Variants in ABHD5 observed in about 807,000 individuals in gnomAD.
ABHD5 encodes the protein abhydrolase domain containing 5, lysophosphatidic acid acyltransferase.
In ABHD5, 30 loss-of-function variants were observed where a neutral mutation model predicts 44.9. The ratio of observed to expected loss-of-function variants is 0.67; its 90% CI spans 0.50 to 0.91. The LOEUF is 0.91. Ranked by LOEUF, ABHD5 falls within the 40% of genes least tolerant of loss-of-function variation. The pLI, the probability that ABHD5 is intolerant of heterozygous loss-of-function variation, is 0.00. For missense variants in ABHD5, 399 were observed against 423.4 expected (o/e 0.94, Z 0.50); for synonymous variants, 167 against 147.0 (o/e 1.14, Z -0.99).
In ABHD5 at chr3:43,719,442, A is replaced by G. The variant is rs1417413823; in HGVS notation, c.*910A>G. 6.6e-6 allele frequency: 1 copy of G among 152,184 alleles called. No homozygotes were observed. The highest frequency in any genetic ancestry group is 1.5e-5 in the Non-Finnish European group (1 of 68,022). 9.4% of individuals were successfully genotyped at this position (152,184 alleles called of 1,614,324 possible). ...CAAGTAATACCATATTTTTATTAAC[A>G]TCTAACTTTTGTAGATGGGTGCTAA... is the stretch of plus-strand genomic sequence containing the variant. On this transcript the variant is annotated 3_prime_UTR_variant, in exon 7 of 7. Coordinates refer to ENST00000644371, the MANE Select transcript of ABHD5 (RefSeq NM_016006.6).
Position 43,718,795 on chromosome 3 carries a change from C to G in ABHD5, c.*263C>G. The G allele has an allele frequency of 2.7e-6, 1 of 376,390 alleles. No homozygotes were observed. Among genetic ancestry groups the G allele is most frequent in the African/African-American group, 2.0e-5 (1 of 48,798 alleles). The allele number at this position is 376,390 out of a possible 1,614,324, so 23.3% of individuals were successfully genotyped here. Reference sequence around the variant, plus strand: ...CCTTTAAATAAAAGGTTATTTGTCCCTCTGATGTACTGAAAAACTGTAATT... The same window carrying G: ...CCTTTAAATAAAAGGTTATTTGTCCGTCTGATGTACTGAAAAACTGTAATT... On this transcript the variant is annotated 3_prime_UTR_variant, in exon 7 of 7. Coordinates refer to ENST00000644371, the MANE Select transcript of ABHD5 (RefSeq NM_016006.6).
At chr3:43,731,572 C>T (rs2084912848) in intron 7 of ABHD5, among the ~76,000 whole-genome samples, 1 of 152,154 alleles carries the variant, frequency 6.6e-6, no homozygotes, top group Non-Finnish European at 1.5e-5. Flanking sequence ...TGGCTCACAC[C>T]TGTAATCCCA....
intron 1 of ABHD5, among the ~76,000 whole-genome samples, chr3:43,695,977 A>G (rs1266300827): frequency 6.6e-6 from 1 of 152,210 alleles, no homozygotes; most frequent in African/African-American, 2.4e-5. Flanking sequence ...GTAAAACAAG[A>G]ATCCTTTCTT....
chr3:43,716,616 G>A (rs147673313), intron 5 of ABHD5, among the ~76,000 whole-genome samples: 6 of 152,280 alleles, frequency 3.9e-5, no homozygotes, highest in African/African-American at 1.4e-4. Flanking sequence ...GGAGGCTAGA[G>A]GTTCAAGGTC....
intron 3 of ABHD5, among the ~76,000 whole-genome samples, chr3:43,703,266 G>A (rs2084568253): frequency 6.6e-6 from 1 of 150,526 alleles, no homozygotes; most frequent in African/African-American, 2.5e-5. Flanking sequence ...TGCAGCCTCC[G>A]CCTCCCAGGC....
intron 3 of ABHD5, among the ~76,000 whole-genome samples, chr3:43,710,634 C>T (rs2084677588): frequency 6.6e-6 from 1 of 152,232 alleles, no homozygotes; most frequent in Admixed American, 6.5e-5. Context: ...TATTCTTATG[C>T]ATGCTGACAA....
intron 1 of ABHD5, among the ~76,000 whole-genome samples, chr3:43,691,834 G>A (rs531978894): frequency 6.6e-6 from 1 of 152,166 alleles, no homozygotes; most frequent in Admixed American, 6.5e-5. Context: ...GATTATTCTG[G>A]CTTTACTGGC....
chr3:43,702,739 A>G lies in ABHD5; in HGVS notation c.506+152A>G, dbSNP rs185835481. The G allele has an allele frequency of 4.3e-3, 4,471 of 1,037,524 alleles. 16 individuals are homozygous for G. Among genetic ancestry groups the G allele is most frequent in the Non-Finnish European group, 5.6e-3 (3,729 of 670,218 alleles). 64.3% of individuals were successfully genotyped at this position (1,037,524 alleles called of 1,614,324 possible). The stretch of plus-strand genomic sequence containing the variant: ...CCACACCACAACTGATGACCAATAT[A>G]GTAGCTGAAATAATCATGTCAGATC... On this transcript the variant is annotated intron_variant, in intron 3 of 6. Coordinates refer to ENST00000644371, the MANE Select transcript of ABHD5 (RefSeq NM_016006.6).
At chr3:43,691,245 G>A (rs563088361) in intron 1 of ABHD5, 2 of 431,086 alleles carry the variant, frequency 4.6e-6, no homozygotes, top group Admixed American at 4.5e-5. Context: ...CTCAGCGTCG[G>A]GGCCCCGAGG....
chr3:43,695,661 A>G (rs2084464703), intron 1 of ABHD5, among the ~76,000 whole-genome samples: 1 of 152,228 alleles, frequency 6.6e-6, no homozygotes, highest in South Asian at 2.1e-4. Context: ...AATACTGTAG[A>G]TAGACAGATG....
chr3:43,724,989 A>G (rs986926750), downstream of ABHD5, among the ~76,000 whole-genome samples: 2 of 152,218 alleles, frequency 1.3e-5, no homozygotes, highest in African/African-American at 4.8e-5. Flanking sequence ...TAGGTAAGAA[A>G]ATAACTAAAA....
intron 3 of ABHD5, among the ~76,000 whole-genome samples, chr3:43,706,851 G>C (rs1221822095): frequency 2.0e-5 from 3 of 152,022 alleles, no homozygotes; most frequent in African/African-American, 4.8e-5. Flanking sequence ...TTTATGCATG[G>C]AGGGAAAAAA....
chr3:43,695,913 T>TCC (rs2084468674), intron 1 of ABHD5, among the ~76,000 whole-genome samples: 1 of 152,260 alleles, frequency 6.6e-6, no homozygotes, highest in African/African-American at 2.4e-5. Context: ...TTATAACTTT[T>TCC]CTTACTCAAA....
chr3:43,704,033 C>CTTTTTTTTTTT (rs10544525), intron 3 of ABHD5, among the ~76,000 whole-genome samples: 14 of 84,858 alleles, frequency 1.6e-4, no homozygotes, highest in African/African-American at 3.9e-4. Context: ...TCTTTATTTT[C>CTTTTTTTTTTT]TTTTTTTTTT....
At chr3:43,730,812 A>ATTTGTTTGTTTTTTTG (rs1209581585) in intron 7 of ABHD5, among the ~76,000 whole-genome samples, 3 of 146,610 alleles carry the variant, frequency 2.0e-5, no homozygotes, top group Non-Finnish European at 4.5e-5. Flanking sequence ...GGCCTAATCC[A>ATTTGTTTGTTTTTTTG]TTTGTTTGTT....
At chr3:43,725,848 G>GT (rs34068036), downstream of ABHD5, among the ~76,000 whole-genome samples, 10,544 of 146,660 alleles carry the variant, frequency 0.072, 1,073 homozygotes, top group African/African-American at 0.23. Context: ...CTGTTTCCTA[G>GT]TTTTTTTTTT....
rs931354098 is a variant in ABHD5, at chr3:43,719,425, A to G, written c.*893A>G. 6.6e-6 allele frequency: 1 copy of G among 152,216 alleles called. No individual in the cohort carries two copies. Among genetic ancestry groups the G allele is most frequent in the Non-Finnish European group, 1.5e-5 (1 of 68,028 alleles). The allele number at this position is 152,216 out of a possible 1,614,324, so 9.4% of individuals were successfully genotyped here. On this transcript the variant is annotated 3_prime_UTR_variant, in exon 7 of 7. Coordinates refer to ENST00000644371, the MANE Select transcript of ABHD5 (RefSeq NM_016006.6). ...GTTACTTCCTAGTAAGCCAAGTAAT[A>G]CCATATTTTTATTAACATCTAACTT...
In ABHD5 at chr3:43,690,984, G is replaced by A. The variant is rs1317697263; in HGVS notation, c.-9G>A. ...CGAGATAAGTCCCGGCGCTTGCGCG[G>A]CGGCGGCTATGGCGGCGGAGGAGGA... is the stretch of plus-strand genomic sequence containing the variant. On this transcript the variant is annotated 5_prime_UTR_variant, in exon 1 of 7. Transcript: ENST00000644371. 3 of 1,572,990 alleles carry A rather than the reference G, an allele frequency of 1.9e-6. No homozygotes were observed.
rs145935934 is a variant in ABHD5, at chr3:43,713,287, T to C, written c.661+1424T>C. Among the ~76,000 whole-genome samples the C allele has an allele frequency of 2.3e-3, 334 of 145,252 alleles. 2 individuals carry two copies. The highest frequency in any genetic ancestry group is 1.9e-3 in the Non-Finnish European group (129 of 66,830). On this transcript the variant is annotated intron_variant, in intron 4 of 6. Coordinates refer to ENST00000644371, the MANE Select transcript of ABHD5 (RefSeq NM_016006.6). Reference sequence around the variant, plus strand: ...GTGGCGAGCCAAGATCGCACCACTATTCTCCAGCCTGGGCAACAGTGCAAG... The same window carrying C: ...GTGGCGAGCCAAGATCGCACCACTACTCTCCAGCCTGGGCAACAGTGCAAG...
Sources: gnomAD v4.1 joint callset for allele counts (sites outside exome capture counted in the v4.1 genomes callset) on GRCh38, gnomAD v4.1.1 for gene constraint, MANE v1.5 for transcripts, NCBI Gene and HGNC (gene_info 2026-07-23, HGNC 2026-07-21) for gene names.